Variants in FOXN3 observed in about 807,000 individuals in gnomAD.
FOXN3 encodes forkhead box N3, also known as forkhead box protein N3.
FOXN3 carries 7 observed loss-of-function variants against 38.4 expected under a neutral mutation model. That is an observed-to-expected ratio of 0.18 (90% CI 0.10 to 0.34). The LOEUF is 0.34. FOXN3 is among the 10% of genes least tolerant of loss of function. The probability of loss-of-function intolerance (pLI) is 1.00; values close to 1 mark genes in which losing one functional copy is unlikely to be tolerated. For missense variants in FOXN3, 456 were observed against 613.4 expected (o/e 0.74, Z 2.71); for synonymous variants, 230 against 242.2 (o/e 0.95, Z 0.47).
chr14:89,521,358 T>TAGAGAGAGAGAGAG (rs199686142), intron 1 of FOXN3, among the ~76,000 whole-genome samples: 212 of 125,054 alleles, frequency 1.7e-3, no homozygotes, highest in African/African-American at 5.3e-3. Flanking sequence ...AGATGATAGA[T>TAGAGAGAGAGAGAG]AGAGAGAGAG....
At chr14:89,441,486 A>G (rs954601766) in intron 1 of FOXN3, among the ~76,000 whole-genome samples, 1 of 152,206 alleles carries the variant, frequency 6.6e-6, no homozygotes, top group Non-Finnish European at 1.5e-5. Flanking sequence ...AACGGAACAC[A>G]TTGCCTTTAT....
rs180690052 is a variant in FOXN3, at chr14:89,446,698, T to C, written c.-14-34208A>G. Among the ~76,000 whole-genome samples the C allele has an allele frequency of 4.6e-5, 7 of 152,356 alleles. No individual in the cohort carries two copies. In the East Asian group the frequency reaches 1.4e-3, roughly 29 times the overall value. On this transcript the variant is annotated intron_variant, in intron 1 of 6. Transcript: ENST00000345097. ...TGGGCTGAGACCATATCTGCCTTGG[T>C]TGTCACTACACACTTTTCACACCTA...
intron 1 of FOXN3, among the ~76,000 whole-genome samples, chr14:89,604,243 G>GCA (rs1896221419): frequency 7.6e-6 from 1 of 130,896 alleles, no homozygotes; most frequent in African/African-American, 2.9e-5. Context: ...ACACACACGT[G>GCA]CGCGCACACA....
intron 1 of FOXN3, among the ~76,000 whole-genome samples, chr14:89,616,692 A>G (rs1896502102): frequency 6.6e-6 from 1 of 152,192 alleles, no homozygotes; most frequent in African/African-American, 2.4e-5. Flanking sequence ...TGGCTCTCAA[A>G]AGAGTTTTGT....
intron 2 of FOXN3, among the ~76,000 whole-genome samples, chr14:89,393,395 C>T (rs563401045): frequency 3.3e-5 from 5 of 152,282 alleles, no homozygotes; most frequent in African/African-American, 1.2e-4. Context: ...CTGAGGGATA[C>T]AACTCACCCC....
chr14:89,552,613 C>G (rs1229642636), intron 1 of FOXN3, among the ~76,000 whole-genome samples: 1 of 152,150 alleles, frequency 6.6e-6, no homozygotes, highest in Non-Finnish European at 1.5e-5. Context: ...AATCCCAACA[C>G]TTTGGGAGGC....
At chr14:89,316,676 T>A (rs1887728271) in intron 3 of FOXN3, among the ~76,000 whole-genome samples, 2 of 150,986 alleles carry the variant, frequency 1.3e-5, no homozygotes, top group Non-Finnish European at 3.0e-5. Flanking sequence ...TGAATTTTTT[T>A]TTTTTTTGAG....
intron 1 of FOXN3, among the ~76,000 whole-genome samples, chr14:89,545,573 C>T (rs1164387375): frequency 1.3e-5 from 2 of 152,176 alleles, no homozygotes; most frequent in African/African-American, 2.4e-5. Flanking sequence ...TCTTGCAACA[C>T]ATTAAAATGC....
intron 1 of FOXN3, among the ~76,000 whole-genome samples, chr14:89,566,858 C>T (rs1201847644): frequency 6.6e-6 from 1 of 151,714 alleles, no homozygotes; most frequent in African/African-American, 2.4e-5. Flanking sequence ...CCTCCTCTTA[C>T]TCTCACCCCC....
rs1033674969 is a variant in FOXN3 at position 89,484,315 on chromosome 14, C to T, written c.-14-71825G>A. On this transcript the variant is annotated intron_variant, in intron 1 of 6. Transcript: ENST00000345097. The surrounding 1 kb of genome is among the most constrained non-coding windows in gnomAD (Gnocchi z 4.0). ...TTGGTAAGCTTTTCCCATAAAAGACCATAGGGTAAATATTTCATGGTTTCC... is the reference window on the plus strand; with the variant it reads ...TTGGTAAGCTTTTCCCATAAAAGACTATAGGGTAAATATTTCATGGTTTCC... Among the ~76,000 whole-genome samples the T allele has an allele frequency of 2.0e-5, 3 of 152,176 alleles. No individual in the cohort carries two copies. The highest frequency in any genetic ancestry group is 1.3e-4 in the Admixed American group (2 of 15,280).
At chr14:89,521,322 A>C (rs1010639214) in intron 1 of FOXN3, among the ~76,000 whole-genome samples, 2 of 151,418 alleles carry the variant, frequency 1.3e-5, no homozygotes, top group Admixed American at 6.6e-5. Flanking sequence ...AAAACAAAAG[A>C]GAGAGAGAGA....
At chr14:89,359,474 T>C (rs957991446) in intron 2 of FOXN3, among the ~76,000 whole-genome samples, 1 of 152,194 alleles carries the variant, frequency 6.6e-6, no homozygotes, top group African/African-American at 2.4e-5. Flanking sequence ...ACATGACTAT[T>C]TGTTTTCCAT....
At chr14:89,247,594 C>G (rs1287218274) in intron 4 of FOXN3, among the ~76,000 whole-genome samples, 1 of 152,158 alleles carries the variant, frequency 6.6e-6, no homozygotes, top group African/African-American at 2.4e-5. Context: ...TCAACTATAT[C>G]TCACCACTGC....
chr14:89,227,389 T>C (rs1566933873), intron 4 of FOXN3, among the ~76,000 whole-genome samples: 1 of 152,254 alleles, frequency 6.6e-6, no homozygotes, highest in East Asian at 1.9e-4. Context: ...TCTCATTTAA[T>C]TCTTCATCAA....
intron 1 of FOXN3, among the ~76,000 whole-genome samples, chr14:89,570,669 T>C (rs764450264): frequency 2.0e-5 from 3 of 150,942 alleles, no homozygotes; most frequent in East Asian, 2.0e-4. Context: ...TGAAACATTA[T>C]GAGTTTTTTG....
At chr14:89,418,065 A>C (rs1414441531), upstream of FOXN3, among the ~76,000 whole-genome samples, 1 of 152,140 alleles carries the variant, frequency 6.6e-6, no homozygotes, top group Non-Finnish European at 1.5e-5. Context: ...AAATAATAGC[A>C]CCCACTGCTA....
rs988665310 is a variant in FOXN3, at chr14:89,547,004, C to T, written c.-15+72024G>A. ...TTCACCATGTTGGCCAGGCTGGTCT[C>T]GAACTCCTGACCTTAAGCGATCCAC... On this transcript the variant is annotated intron_variant, in intron 1 of 6. Coordinates refer to the FOXN3 transcript ENST00000345097. 8.5e-5 allele frequency among the ~76,000 whole-genome samples: 13 copies of T among 152,080 alleles called. No homozygotes were observed. The South Asian group carries it at 1.5e-3, about 17-fold the overall frequency.
At chr14:89,344,350 C>T (rs1888706053) in intron 3 of FOXN3, among the ~76,000 whole-genome samples, 1 of 151,390 alleles carries the variant, frequency 6.6e-6, no homozygotes, top group Non-Finnish European at 1.5e-5. Flanking sequence ...GCCAAAGGTA[C>T]GTAGGATGCT....
chr14:89,601,317 C>A (rs1343198384), intron 1 of FOXN3, among the ~76,000 whole-genome samples: 1 of 152,168 alleles, frequency 6.6e-6, no homozygotes, highest in Non-Finnish European at 1.5e-5. Context: ...GCTTTATCAG[C>A]ATATAAAGTA....
Sources: allele counts gnomAD v4.1 joint callset (sites outside exome capture counted in the v4.1 genomes callset), GRCh38; gene constraint gnomAD v4.1.1; non-coding constraint Gnocchi (gnomAD v3.1); transcripts MANE v1.5; gene names NCBI Gene and HGNC (gene_info 2026-07-23, HGNC 2026-07-21).